Variants in TSLP observed in about 807,000 individuals in gnomAD.
The protein encoded by TSLP is thymic stroma-derived lymphopoietin.
TSLP carries 12 observed loss-of-function variants against 12.4 expected under a neutral mutation model. The observed-to-expected ratio is 0.97, with a 90% confidence interval of 0.62 to 1.57. TSLP has a LOEUF of 1.57. Among genes scored for constraint, TSLP ranks in the 40% most tolerant of loss-of-function variants. TSLP has a pLI of 0.00. For missense variants in TSLP, 222 were observed against 189.6 expected (o/e 1.17, Z -1.00); for synonymous variants, 97 against 69.5 (o/e 1.40, Z -1.97).
intron 2 of TSLP, chr5:111,073,243 G>T: frequency 7.2e-7 from 1 of 1,386,682 alleles, no homozygotes; most frequent in Non-Finnish European, 9.4e-7. Flanking sequence ...AATTTTGGCA[G>T]CCTCCGCCCC....
At position 111,072,916 on chromosome 5, in the gene TSLP, T is replaced by C. The variant is rs758494607; in HGVS notation, c.200T>C (p.Val67Ala). 1 of 1,614,096 alleles carries C rather than the reference T, an allele frequency of 6.2e-7. No homozygotes were observed. Among genetic ancestry groups the C allele is most frequent in the African/African-American group, 1.3e-5 (1 of 74,934 alleles). The stretch of plus-strand genomic sequence containing the variant: ...AAAAGTACCGAGTTCAACAACACCG[T>C]CTCTTGTAGCAATCGGGTGAGTAGA... ...GTKSTEFNNTVSCSNRPHCLT... is the reference protein window; with the variant it reads ...GTKSTEFNNTASCSNRPHCLT... Residue 67 changes from valine to alanine, a missense_variant, in exon 2 of 4, where the codon GTC becomes GCC. By Grantham distance (64) the Val-to-Ala change is moderately conservative. Transcript: ENST00000344895.
intron 2 of TSLP, 157 bp from the exon 3 acceptor site, chr5:111,073,354 T>C: frequency 1.3e-6 from 2 of 1,487,998 alleles, no homozygotes; most frequent in Non-Finnish European, 1.8e-6. Flanking sequence ...TGGTTCTTCC[T>C]TGCTCTACTC....
intron 2 of TSLP, 41 bp from the exon 3 acceptor site, chr5:111,073,469 GT>G (rs767210716): frequency 5.0e-6 from 8 of 1,611,798 alleles, no homozygotes; most frequent in Non-Finnish European, 5.9e-6. Flanking sequence ...TCTCTCTCTG[GT>G]GTTTTCTCCT....
In TSLP at chr5:111,077,818, A is replaced by T. The variant is rs1230423414; in HGVS notation, c.*1744A>T. The T allele has an allele frequency of 6.6e-6, 1 of 152,634 alleles. No individual in the cohort carries two copies. The highest frequency in any genetic ancestry group is 2.4e-5 in the African/African-American group (1 of 41,458). The allele number at this position is 152,634 out of a possible 1,614,324, so 9.5% of individuals were successfully genotyped here. ...TCCATAGATATCTTAATGTAAAATT[A>T]GTCATTTAAATTACACTGTCAATTA... On this transcript the variant is annotated 3_prime_UTR_variant, in exon 4 of 4. Transcript: ENST00000344895.
upstream of TSLP, chr5:111,071,485 T>C (rs1269577959): frequency 1.0e-5 from 16 of 1,547,956 alleles, no homozygotes; most frequent in East Asian, 7.3e-5. Context: ...TTCACACTTA[T>C]GAAGTGTTTA....
In TSLP at chr5:111,071,827, G is replaced by C; in HGVS notation, c.-64G>C. 6.4e-7 allele frequency: 1 copy of C among 1,570,632 alleles called. No homozygotes were observed. Among genetic ancestry groups the C allele is most frequent in the Non-Finnish European group, 8.7e-7 (1 of 1,152,212 alleles). ...ACTGGCCCCTAAGGCAGGCCTTACA[G>C]ATCTCTTACACTCGTGGTGGGAAGA... On this transcript the variant is annotated 5_prime_UTR_variant, in exon 1 of 4. Coordinates refer to ENST00000344895, the MANE Select transcript of TSLP (RefSeq NM_033035.5).
At chr5:111,072,828 T>C (rs1752377510) in intron 1 of TSLP, 60 bp from the exon 2 acceptor site, 4 of 1,560,786 alleles carry the variant, frequency 2.6e-6, no homozygotes, top group Admixed American at 1.7e-5. Context: ...GGTGGAGGGA[T>C]GATTTTCCTT....
chr5:111,077,296 T>C lies in TSLP; in HGVS notation c.*1222T>C, dbSNP rs1752537800. On this transcript the variant is annotated 3_prime_UTR_variant, in exon 4 of 4. Coordinates refer to ENST00000344895, the MANE Select transcript of TSLP (RefSeq NM_033035.5). ...ACAGAAGTGGGGAAGTTCAATGTCC[T>C]TAAATCCATCTTACTTGCCAACAGG... 1 of 152,280 alleles carries C rather than the reference T, an allele frequency of 6.6e-6. No individual in the cohort carries two copies. The highest frequency in any genetic ancestry group is 2.4e-5 in the African/African-American group (1 of 41,478). 9.4% of individuals were successfully genotyped at this position (152,280 alleles called of 1,614,324 possible).
chr5:111,073,337 C>A, intron 2 of TSLP, 174 bp from the exon 3 acceptor site: 1 of 1,452,922 alleles, frequency 6.9e-7, no homozygotes, highest in Non-Finnish European at 9.0e-7. Flanking sequence ...CCCTGCTCCC[C>A]CGCGGTTGGT....
At chr5:111,074,455 C>G (rs1195157802) in intron 3 of TSLP, among the ~76,000 whole-genome samples, 1 of 152,070 alleles carries the variant, frequency 6.6e-6, no homozygotes, top group Non-Finnish European at 1.5e-5. Context: ...TGGAACAGTG[C>G]CTGGTACACA....
Position 111,071,883 on chromosome 5 carries a change from G to T in TSLP, c.-8G>T, listed in dbSNP as rs774779182. 6.2e-7 allele frequency: 1 copy of T among 1,612,644 alleles called. No homozygotes were observed. Among genetic ancestry groups the T allele is most frequent in the Non-Finnish European group, 8.5e-7 (1 of 1,178,854 alleles). On this transcript the variant is annotated 5_prime_UTR_variant, in exon 1 of 4. Coordinates refer to ENST00000344895, the MANE Select transcript of TSLP (RefSeq NM_033035.5). ...GTGTGAAACTGGGGTGGAATTGGGTGTCCACGTATGTTCCCTTTTGCCTTA... is the reference window on the plus strand; with the variant it reads ...GTGTGAAACTGGGGTGGAATTGGGTTTCCACGTATGTTCCCTTTTGCCTTA...
In TSLP at chr5:111,076,881, C is replaced by G. The variant is rs1353907006; in HGVS notation, c.*807C>G. On this transcript the variant is annotated 3_prime_UTR_variant, in exon 4 of 4. Coordinates refer to ENST00000344895, the MANE Select transcript of TSLP (RefSeq NM_033035.5). ...ATTATCTTCCTTCAGGTTTTTACCT[C>G]CACTCATCCTTAGAGCCCACTGACT... 1 of 152,196 alleles carries G rather than the reference C, an allele frequency of 6.6e-6. No homozygotes were observed. The highest frequency in any genetic ancestry group is 2.4e-5 in the African/African-American group (1 of 41,442). The allele number at this position is 152,196 out of a possible 1,614,324, so 9.4% of individuals were successfully genotyped here. A position where few individuals can be genotyped will look rare whatever the true frequency, so the allele number is the denominator to read the frequency against.
chr5:111,071,330 T>A (rs1465797932), upstream of TSLP: 2 of 955,150 alleles, frequency 2.1e-6, no homozygotes, highest in Non-Finnish European at 2.9e-6. Context: ...TGCTCAAAGA[T>A]GTTCAGAATG....
At chr5:111,070,326 C>G (rs561407897), upstream of TSLP, 19 of 152,680 alleles carry the variant, frequency 1.2e-4, no homozygotes, top group African/African-American at 4.1e-4. Context: ...GACTCACACA[C>G]GGCGTCCAAC....
intron 3 of TSLP, among the ~76,000 whole-genome samples, chr5:111,074,049 G>C (rs1752422204): frequency 6.6e-6 from 1 of 152,122 alleles, no homozygotes; most frequent in Non-Finnish European, 1.5e-5. Flanking sequence ...CCAGTCCAAA[G>C]TTTGAGCAAC....
At position 111,071,843 on chromosome 5, in the gene TSLP, G is replaced by C; in HGVS notation, c.-48G>C. On this transcript the variant is annotated 5_prime_UTR_variant, in exon 1 of 4. Coordinates refer to ENST00000344895, the MANE Select transcript of TSLP (RefSeq NM_033035.5). ...GGCCTTACAGATCTCTTACACTCGT[G>C]GTGGGAAGAGTTTAGTGTGAAACTG... 6.3e-7 allele frequency: 1 copy of C among 1,593,410 alleles called. No individual in the cohort carries two copies. The highest frequency in any genetic ancestry group is 8.6e-7 in the Non-Finnish European group (1 of 1,166,340).
In TSLP at chr5:111,077,634, A is replaced by G. The variant is rs966395563; in HGVS notation, c.*1560A>G. 2 of 152,638 alleles carry G rather than the reference A, an allele frequency of 1.3e-5. No homozygotes were observed. Among genetic ancestry groups the G allele is most frequent in the African/African-American group, 4.8e-5 (2 of 41,456 alleles). 9.5% of individuals were successfully genotyped at this position (152,638 alleles called of 1,614,324 possible). A position where few individuals can be genotyped will look rare whatever the true frequency, so the allele number is the denominator to read the frequency against. On this transcript the variant is annotated 3_prime_UTR_variant, in exon 4 of 4. Coordinates refer to ENST00000344895, the MANE Select transcript of TSLP (RefSeq NM_033035.5). ...TTTACTGAACTATGAAAATAAATAC[A>G]CATAATTTTTCACAAAATTTTGGGC... is the stretch of plus-strand genomic sequence containing the variant.
At chr5:111,073,000 C>A in intron 2 of TSLP, 68 bp downstream of exon 2, 1 of 1,573,198 alleles carries the variant, frequency 6.4e-7, no homozygotes, top group South Asian at 1.1e-5. Context: ...GAGGGAGTAT[C>A]CTGCTACGTG....
rs374701379 is a variant in TSLP, at chr5:111,073,503, A to G, written c.217-8A>G. ...CCTTTTCTCGTAAACTTTGCCGCCT[A>G]TGAGCAGCCACATTGCCTTACTGAA... is the stretch of plus-strand genomic sequence containing the variant. On this transcript the variant is annotated splice_polypyrimidine_tract_variant and splice_region_variant and intron_variant, in intron 2 of 3. Transcript: ENST00000344895. 1 of 1,613,964 alleles carries G rather than the reference A, an allele frequency of 6.2e-7. No individual in the cohort carries two copies. Among genetic ancestry groups the G allele is most frequent in the Admixed American group, 1.7e-5 (1 of 59,990 alleles).
Sources: allele counts gnomAD v4.1 joint callset (sites outside exome capture counted in the v4.1 genomes callset), GRCh38; gene constraint gnomAD v4.1.1; transcripts MANE v1.5; gene names NCBI Gene and HGNC (gene_info 2026-07-23, HGNC 2026-07-21).